The following CCDC91 variants were observed in gnomAD, a reference collection of about 807,000 sequenced individuals.
The protein encoded by CCDC91 is coiled-coil domain-containing protein 91.
CCDC91 carries 48 observed loss-of-function variants against 63.2 expected under a neutral mutation model. The ratio of observed to expected loss-of-function variants is 0.76; its 90% confidence interval spans 0.60 to 0.97. The LOEUF is 0.97. Ranked by LOEUF, CCDC91 falls within the 50% of genes least tolerant of loss-of-function variation. The probability of loss-of-function intolerance (pLI) is 0.00; values close to 1 mark genes in which losing one functional copy is unlikely to be tolerated. For synonymous variants in CCDC91, 167 were observed against 165.8 expected, an observed-to-expected ratio of 1.01 and a Z score of -0.06; for missense variants, 500 against 494.6, an observed-to-expected ratio of 1.01 and a Z score of -0.10.
intron 1 of CCDC91, among the ~76,000 whole-genome samples, chr12:28,250,231 G>A (rs1371277847): frequency 6.6e-6 from 1 of 151,990 alleles, no homozygotes; most frequent in African/African-American, 2.4e-5. Context: ...AATGAAGGTT[G>A]GTAAAGACAG....
At chr12:28,375,810 A>G (rs1944907967) in intron 7 of CCDC91, among the ~76,000 whole-genome samples, 1 of 151,936 alleles carries the variant, frequency 6.6e-6, no homozygotes, top group African/African-American at 2.4e-5. Flanking sequence ...GCACTCGCTC[A>G]GACTTCATGA....
In CCDC91 at chr12:28,202,426, G is replaced by T. The variant is rs140263397; in HGVS notation, c.-15+11785G>T. ...CTCCTTCTCAGGGTTTCTTCTTGTT[G>T]CTGCTCTTGTTATTTGTTTGCATAG... is the stretch of plus-strand genomic sequence containing the variant. On this transcript the variant is annotated intron_variant, in intron 1 of 12. Transcript: ENST00000536442. Among the ~76,000 whole-genome samples, 999 of 152,258 alleles carry T rather than the reference G, an allele frequency of 6.6e-3. 6 individuals carry two copies. The highest frequency in any genetic ancestry group is 0.01 in the Non-Finnish European group (682 of 68,008).
intron 1 of CCDC91, among the ~76,000 whole-genome samples, chr12:28,207,751 G>A (rs1053052596): frequency 8.6e-5 from 13 of 152,036 alleles, no homozygotes; most frequent in South Asian, 6.2e-4. Flanking sequence ...TATCTTTTCC[G>A]TGATGAGTCA....
At chr12:28,228,364 C>T (rs757288213) in intron 1 of CCDC91, among the ~76,000 whole-genome samples, 1 of 152,092 alleles carries the variant, frequency 6.6e-6, no homozygotes, top group Middle Eastern at 3.4e-3. Context: ...ACTATATATA[C>T]GTTTGCAAGT....
intron 6 of CCDC91, among the ~76,000 whole-genome samples, chr12:28,309,858 C>T (rs1939135031): frequency 6.6e-6 from 1 of 151,990 alleles, no homozygotes; most frequent in Non-Finnish European, 1.5e-5. Context: ...AAATAAGGCC[C>T]TTTGTACTTG....
At chr12:28,335,355 A>G (rs1399851131) in intron 6 of CCDC91, among the ~76,000 whole-genome samples, 1 of 141,302 alleles carries the variant, frequency 7.1e-6, no homozygotes. Flanking sequence ...ATATTTAAAT[A>G]TATATTCACA....
At chr12:28,241,669 G>A (rs1945344705) in intron 1 of CCDC91, among the ~76,000 whole-genome samples, 1 of 152,032 alleles carries the variant, frequency 6.6e-6, no homozygotes, top group Non-Finnish European at 1.5e-5. Flanking sequence ...AGTTTCTCTA[G>A]GGCATGTTAC....
At chr12:28,321,361 A>T (rs1254602394) in intron 6 of CCDC91, among the ~76,000 whole-genome samples, 1 of 151,756 alleles carries the variant, frequency 6.6e-6, no homozygotes, top group Admixed American at 6.6e-5. Context: ...AAATTTTCTT[A>T]CTTAACTATG....
chr12:28,520,222 T>C (rs1940465355), intron 12 of CCDC91, among the ~76,000 whole-genome samples: 1 of 152,164 alleles, frequency 6.6e-6, no homozygotes, highest in African/African-American at 2.4e-5. Flanking sequence ...CCACATCCTC[T>C]CCAGCACCTG....
At chr12:28,457,847 A>G (rs1352605949) in intron 11 of CCDC91, among the ~76,000 whole-genome samples, 1 of 152,098 alleles carries the variant, frequency 6.6e-6, no homozygotes, top group African/African-American at 2.4e-5. Context: ...TAAGTAAAGG[A>G]AAAGACGTTT....
intron 6 of CCDC91, among the ~76,000 whole-genome samples, chr12:28,335,933 T>A (rs1350932426): frequency 6.6e-6 from 1 of 151,852 alleles, no homozygotes; most frequent in East Asian, 1.9e-4. Context: ...ATAGAAAAGT[T>A]TGGACTGTTT....
intron 7 of CCDC91, among the ~76,000 whole-genome samples, chr12:28,368,035 A>T (rs1286038310): frequency 6.6e-6 from 1 of 152,204 alleles, no homozygotes; most frequent in Admixed American, 6.5e-5. Flanking sequence ...CTGCATAATC[A>T]CATGAGCCAA....
chr12:28,306,623 T>G, intron 4 of CCDC91, 119 bp from the exon 5 acceptor site: 1 of 637,522 alleles, frequency 1.6e-6, no homozygotes, highest in South Asian at 2.5e-5. Context: ...TGAAATAATT[T>G]CGGAACCTTT....
At chr12:28,203,345 TTCCTTAAC>T (rs1447502623) in intron 1 of CCDC91, among the ~76,000 whole-genome samples, 18 of 152,270 alleles carry the variant, frequency 1.2e-4, no homozygotes, top group African/African-American at 4.3e-4. Context: ...ATTTTTGGAG[TTCCTTAAC>T]TCCACTATTC....
chr12:28,316,178 T>C (rs980920), intron 6 of CCDC91, among the ~76,000 whole-genome samples: 38,947 of 151,728 alleles, frequency 0.26, 5,455 homozygotes, highest in East Asian at 0.57. Context: ...TAAGAAGTTA[T>C]TACATTATAA....
chr12:28,489,909 T>G (rs1342216077), intron 12 of CCDC91, among the ~76,000 whole-genome samples: 1 of 151,930 alleles, frequency 6.6e-6, no homozygotes, highest in Non-Finnish European at 1.5e-5. Flanking sequence ...AGTTATTTAA[T>G]ATTTCATGGT....
At chr12:28,428,923 C>T (rs1948481822) in intron 8 of CCDC91, among the ~76,000 whole-genome samples, 1 of 152,062 alleles carries the variant, frequency 6.6e-6, no homozygotes, top group Non-Finnish European at 1.5e-5. Context: ...AGTCTAATGT[C>T]TATATAAATT....
At chr12:28,517,068 AAT>A (rs1401263938) in intron 12 of CCDC91, among the ~76,000 whole-genome samples, 1 of 151,918 alleles carries the variant, frequency 6.6e-6, no homozygotes, top group Admixed American at 6.6e-5. Flanking sequence ...ATATTTCACT[AAT>A]GTCTGTAATC....
chr12:28,280,991 T>TAAATAAAA lies in CCDC91; in HGVS notation c.109+21552_109+21553insTAAAAAAA, dbSNP rs1304678227. On this transcript the variant is annotated intron_variant, in intron 3 of 12. Transcript: ENST00000536442. ...GATTCTGTCTAAAAAAATAAATAAATAAAAAGATATCCTATGCAATATGGC... is the reference window on the plus strand; with the variant it reads ...GATTCTGTCTAAAAAAATAAATAAATAAATAAAAAAAAAGATATCCTATGCAATATGGC... Among the ~76,000 whole-genome samples, 5 of 152,116 alleles carry TAAATAAAA rather than the reference T, an allele frequency of 3.3e-5. 1 individual carries two copies. The South Asian group carries it at 1.1e-3, about 32-fold the overall frequency.
Sources: gnomAD v4.1 joint callset for allele counts (sites outside exome capture counted in the v4.1 genomes callset) on GRCh38, gnomAD v4.1.1 for gene constraint, MANE v1.5 for transcripts, NCBI Gene and HGNC (gene_info 2026-07-23, HGNC 2026-07-21) for gene names.